LIMD1: variants seen among roughly 807,000 people sequenced by gnomAD.
The protein encoded by LIMD1 is LIM domain-containing protein 1.
Under a neutral mutation model 58.4 loss-of-function variants are expected in LIMD1, and 23 were observed. That is an observed-to-expected ratio of 0.39 (90% confidence interval 0.28 to 0.56). LIMD1 has a LOEUF of 0.56. Ranked by LOEUF, LIMD1 falls within the 20% of genes least tolerant of loss-of-function variation. The pLI is 0.57. For missense variants in LIMD1, 838 were observed against 855.5 expected, an observed-to-expected ratio of 0.98 and a Z score of 0.25; for synonymous variants, 334 against 345.5, an observed-to-expected ratio of 0.97 and a Z score of 0.37.
Position 45,679,438 on chromosome 3 carries a change from G to T in LIMD1, c.*2379G>T, listed in dbSNP as rs1338000365. 1.3e-5 allele frequency: 2 copies of T among 152,206 alleles called. No homozygotes were observed. The highest frequency in any genetic ancestry group is 2.9e-5 in the Non-Finnish European group (2 of 68,044). 9.4% of individuals were successfully genotyped at this position (152,206 alleles called of 1,614,324 possible). A position where few individuals can be genotyped will look rare whatever the true frequency, so the allele number is the denominator to read the frequency against. ...TGTTCACCTACCCGGTATTTTAAAT[G>T]TTCTGTAAATTATTAGCCAAATAGA... On this transcript the variant is annotated 3_prime_UTR_variant, in exon 8 of 8. Transcript: ENST00000273317.
chr3:45,643,389 G>A (rs948556413), intron 2 of LIMD1, among the ~76,000 whole-genome samples: 1 of 152,040 alleles, frequency 6.6e-6, no homozygotes, highest in African/African-American at 2.4e-5. Context: ...GGGGGCTGAG[G>A]CAGGAGAATC....
intron 2 of LIMD1, among the ~76,000 whole-genome samples, chr3:45,658,157 A>C (rs1284778447): frequency 6.6e-6 from 1 of 152,220 alleles, no homozygotes; most frequent in Admixed American, 6.5e-5. Flanking sequence ...CTCAGAATAC[A>C]AACAAATATA....
At position 45,685,776 on chromosome 3, in the gene LIMD1, A is replaced by G. The variant is rs895197677; in HGVS notation, c.*8717A>G. 1 of 152,214 alleles carries G rather than the reference A, an allele frequency of 6.6e-6. No individual in the cohort carries two copies. Among genetic ancestry groups the G allele is most frequent in the African/African-American group, 2.4e-5 (1 of 41,452 alleles). The allele number at this position is 152,214 out of a possible 1,614,324, so 9.4% of individuals were successfully genotyped here. A position where few individuals can be genotyped will look rare whatever the true frequency, so the allele number is the denominator to read the frequency against. ...GACCTTAAGCCAATTTAGTTCCCTC[A>G]TCTGTAAAAATGGGGATAACAACTG... On this transcript the variant is annotated 3_prime_UTR_variant, in exon 8 of 8. Transcript: ENST00000273317.
chr3:45,620,750 A>G lies in LIMD1; in HGVS notation c.1409-15400A>G, dbSNP rs201435595. Among the ~76,000 whole-genome samples, 5 of 152,360 alleles carry G rather than the reference A, an allele frequency of 3.3e-5. No homozygotes were observed. In the East Asian group the frequency reaches 9.6e-4, roughly 29 times the overall value. On this transcript the variant is annotated intron_variant, in intron 1 of 7. Coordinates refer to ENST00000273317, the MANE Select transcript of LIMD1 (RefSeq NM_014240.3). ...TCTCAAAAAACAAACAAAAAGAATC[A>G]TCAATGGATGCTGCATAGTGGGCAA...
chr3:45,595,683 C>T lies in LIMD1; in HGVS notation c.804C>T (p.Ser268=), dbSNP rs776698650. 1 of 1,614,194 alleles carries T rather than the reference C, an allele frequency of 6.2e-7. No individual in the cohort carries two copies. Among genetic ancestry groups the T allele is most frequent in the Non-Finnish European group, 8.5e-7 (1 of 1,180,050 alleles). Residue 268 remains serine (S), a synonymous_variant, in exon 1 of 8, where the codon TCC becomes TCT. Transcript: ENST00000273317. The part of the protein sequence containing the change: ...KPTGLWSTAS[S]QRVSPGLPSP... The stretch of plus-strand genomic sequence containing the variant: ...CAGGCCTTTGGTCCACTGCCTCCTC[C>T]CAGCGGGTGAGCCCTGGCCTGCCTT...
At chr3:45,649,757 T>TAA (rs1701945858) in intron 2 of LIMD1, among the ~76,000 whole-genome samples, 1 of 146,140 alleles carries the variant, frequency 6.8e-6, no homozygotes, top group African/African-American at 2.5e-5. Context: ...TAATTATATA[T>TAA]TTTATATATA....
At chr3:45,622,117 T>C (rs1221096087) in intron 1 of LIMD1, among the ~76,000 whole-genome samples, 1 of 151,640 alleles carries the variant, frequency 6.6e-6, no homozygotes, top group African/African-American at 2.4e-5. Context: ...ATTTGCAGAG[T>C]TGTGCAACCA....
chr3:45,654,046 G>A (rs1702001944), intron 2 of LIMD1, among the ~76,000 whole-genome samples: 1 of 151,842 alleles, frequency 6.6e-6, no homozygotes, highest in Non-Finnish European at 1.5e-5. Context: ...TGGCCATCAA[G>A]TACTCAAGAT....
chr3:45,644,252 G>A lies in LIMD1; in HGVS notation c.1510+8001G>A, dbSNP rs200078101. On this transcript the variant is annotated intron_variant, in intron 2 of 7. Coordinates refer to ENST00000273317, the MANE Select transcript of LIMD1 (RefSeq NM_014240.3). ...TTAGTTCGCCTCTGAAGGACTGGAG[G>A]GTTCTTGCCAGCTATTTTGTTTTTC... Among the ~76,000 whole-genome samples, 5 of 152,274 alleles carry A rather than the reference G, an allele frequency of 3.3e-5. No individual in the cohort carries two copies. In the East Asian group the frequency reaches 9.6e-4, roughly 29 times the overall value.
At chr3:45,604,978 T>G (rs1222431828) in intron 1 of LIMD1, among the ~76,000 whole-genome samples, 2 of 152,250 alleles carry the variant, frequency 1.3e-5, no homozygotes, top group Non-Finnish European at 2.9e-5. Context: ...TCTTAAAAAG[T>G]TATGTTTCTT....
intron 2 of LIMD1, 37 bp downstream of exon 2, chr3:45,636,288 G>A (rs1701788306): frequency 3.4e-6 from 5 of 1,470,338 alleles, no homozygotes; most frequent in Non-Finnish European, 4.7e-6. Flanking sequence ...TGTGGGGGAT[G>A]CGTAAGGAAC....
chr3:45,637,917 G>A (rs1013231441), intron 2 of LIMD1, among the ~76,000 whole-genome samples: 7 of 150,442 alleles, frequency 4.7e-5, no homozygotes, highest in Non-Finnish European at 7.4e-5. Flanking sequence ...CTATGAGAAT[G>A]TCCGCAGTGG....
intron 1 of LIMD1, among the ~76,000 whole-genome samples, chr3:45,629,283 C>T (rs1330583188): frequency 6.6e-6 from 1 of 151,610 alleles, no homozygotes; most frequent in Non-Finnish European, 1.5e-5. Flanking sequence ...CCTGGTGGCA[C>T]GTGCCTGTAA....
At chr3:45,660,502 G>T (rs977800142) in intron 2 of LIMD1, among the ~76,000 whole-genome samples, 1 of 137,476 alleles carries the variant, frequency 7.3e-6, no homozygotes, top group Non-Finnish European at 1.5e-5. Flanking sequence ...TGCAGCCTCC[G>T]CCTCCCAGGT....
At chr3:45,648,156 A>G (rs1167201625) in intron 2 of LIMD1, among the ~76,000 whole-genome samples, 1 of 152,186 alleles carries the variant, frequency 6.6e-6, no homozygotes, top group African/African-American at 2.4e-5. Context: ...ATAACCCTTC[A>G]GCACCTTTAG....
At chr3:45,636,098 C>T in intron 1 of LIMD1, 52 bp from the exon 2 acceptor site, 9 of 1,605,520 alleles carry the variant, frequency 5.6e-6, no homozygotes, top group Non-Finnish European at 7.7e-6. Context: ...TTTTATGACT[C>T]AGTTTACACT....
intron 1 of LIMD1, among the ~76,000 whole-genome samples, chr3:45,615,850 CCATAGGGAGGGGGTACCTTTTA>C (rs1701570857): frequency 6.7e-6 from 1 of 149,208 alleles, no homozygotes; most frequent in Admixed American, 6.7e-5. Flanking sequence ...CACTGTATGT[CCATAGGGAGGGGGTACCTTTTA>C]CATGGGAGTT....
At chr3:45,669,544 C>G (rs960986077) in intron 4 of LIMD1, among the ~76,000 whole-genome samples, 4 of 152,122 alleles carry the variant, frequency 2.6e-5, no homozygotes, top group African/African-American at 9.7e-5. Context: ...AGAACACTTC[C>G]CAAACTCCAG....
chr3:45,603,227 A>G (rs1701433593), intron 1 of LIMD1, among the ~76,000 whole-genome samples: 1 of 152,188 alleles, frequency 6.6e-6, no homozygotes, highest in South Asian at 2.1e-4. Flanking sequence ...TAGATTAAAA[A>G]ATCGAGCATT....
Sources: gnomAD v4.1 joint callset for allele counts (sites outside exome capture counted in the v4.1 genomes callset) on GRCh38, gnomAD v4.1.1 for gene constraint, MANE v1.5 for transcripts, NCBI Gene and HGNC (gene_info 2026-07-23, HGNC 2026-07-21) for gene names.